Variants in PREX2 observed in about 807,000 individuals in gnomAD.
PREX2 encodes phosphatidylinositol 3,4,5-trisphosphate-dependent Rac exchanger 2 protein.
PREX2 carries 107 observed loss-of-function variants against 203.2 expected under a neutral mutation model. The ratio of observed to expected loss-of-function variants is 0.53; its 90% confidence interval spans 0.45 to 0.62. The LOEUF is 0.62. Among genes scored for constraint, PREX2 ranks in the 20% least tolerant of loss-of-function variants. The pLI is 0.00. For synonymous variants in PREX2, 672 were observed against 663.6 expected, an observed-to-expected ratio of 1.01 and a Z score of -0.19; for missense variants, 1,777 against 1,955.9, an observed-to-expected ratio of 0.91 and a Z score of 1.72.
intron 1 of PREX2, among the ~76,000 whole-genome samples, chr8:67,996,362 AT>A (rs5892122): frequency 4.0e-4 from 59 of 147,496 alleles, no homozygotes; most frequent in East Asian, 1.0e-3. Context: ...TGCCTGGCTA[AT>A]TTTTTTTTTT....
At position 68,007,102 on chromosome 8, in the gene PREX2, A is replaced by G. The variant is rs980117239; in HGVS notation, c.142-10744A>G. 5.3e-5 allele frequency among the ~76,000 whole-genome samples: 8 copies of G among 152,314 alleles called. No homozygotes were observed. In the East Asian group the frequency reaches 1.5e-3, roughly 29 times the overall value. ...TGCAAGCCAATATCCATAGAAATGA[A>G]CTCATTAGGAGCATTTTGTTGGCAG... On this transcript the variant is annotated intron_variant, in intron 1 of 39. Transcript: ENST00000288368.
chr8:68,110,158 C>T (rs2129612849), intron 25 of PREX2, among the ~76,000 whole-genome samples: 1 of 152,226 alleles, frequency 6.6e-6, no homozygotes, highest in South Asian at 2.1e-4. Flanking sequence ...TATTTTTAAC[C>T]AAGAGAAGGT....
chr8:68,101,582 CCG>C (rs1810265245), intron 23 of PREX2, among the ~76,000 whole-genome samples: 1 of 152,122 alleles, frequency 6.6e-6, no homozygotes, highest in Non-Finnish European at 1.5e-5. Context: ...TAAAACATGA[CCG>C]TGCTTTGAAG....
At chr8:68,026,790 T>G (rs1218772627) in intron 4 of PREX2, among the ~76,000 whole-genome samples, 1 of 152,154 alleles carries the variant, frequency 6.6e-6, no homozygotes, top group African/African-American at 2.4e-5. Flanking sequence ...GTATCACTTG[T>G]CAGTTGCAGA....
intron 6 of PREX2, among the ~76,000 whole-genome samples, chr8:68,033,959 A>T (rs1438400372): frequency 6.6e-6 from 1 of 152,224 alleles, no homozygotes; most frequent in Non-Finnish European, 1.5e-5. Context: ...GAAAACATTT[A>T]GCTGAAAACA....
In PREX2 at chr8:68,186,662, C is replaced by T. The variant is rs553423325; in HGVS notation, c.4347-5060C>T. On this transcript the variant is annotated intron_variant, in intron 35 of 39. Coordinates refer to ENST00000288368, the MANE Select transcript of PREX2 (RefSeq NM_024870.4). ...CTGAGTAGCTGGGATTACAGGCACTCGCCACCACGCCTAGCTAATTTTCGT... is the reference window on the plus strand; with the variant it reads ...CTGAGTAGCTGGGATTACAGGCACTTGCCACCACGCCTAGCTAATTTTCGT... Among the ~76,000 whole-genome samples, 10 of 152,046 alleles carry T rather than the reference C, an allele frequency of 6.6e-5. No individual in the cohort carries two copies. In the East Asian group the frequency reaches 9.7e-4, roughly 15 times the overall value.
chr8:67,994,438 C>T (rs527669779), intron 1 of PREX2, among the ~76,000 whole-genome samples: 276 of 152,210 alleles, frequency 1.8e-3, no homozygotes, highest in Non-Finnish European at 3.0e-3. Flanking sequence ...GAAGAGAAGA[C>T]GGGGGTTCTT....
intron 34 of PREX2, 89 bp from the exon 35 acceptor site, chr8:68,157,233 A>C: frequency 1.7e-6 from 1 of 596,104 alleles, no homozygotes; most frequent in African/African-American, 1.9e-5. Context: ...CCTATTTGCT[A>C]AATTTACTAA....
intron 21 of PREX2, among the ~76,000 whole-genome samples, chr8:68,095,666 T>G (rs1810047861): frequency 6.6e-6 from 1 of 150,458 alleles, no homozygotes. Flanking sequence ...TCTTTCTTTG[T>G]CACCCAGGCT....
At chr8:68,067,430 T>G (rs1351599501) in intron 11 of PREX2, among the ~76,000 whole-genome samples, 3 of 152,048 alleles carry the variant, frequency 2.0e-5, no homozygotes, top group Non-Finnish European at 4.4e-5. Flanking sequence ...TTTCATGGTT[T>G]ATAGTTTTCA....
intron 23 of PREX2, chr8:68,102,913 A>G: frequency 1.9e-6 from 1 of 518,102 alleles, no homozygotes; most frequent in Non-Finnish European, 3.9e-6. Flanking sequence ...TCTGTGGAGC[A>G]GGATTTGGGG....
intron 35 of PREX2, among the ~76,000 whole-genome samples, chr8:68,183,731 A>C (rs974911859): frequency 6.6e-6 from 1 of 152,198 alleles, no homozygotes; most frequent in Non-Finnish European, 1.5e-5. Flanking sequence ...CTTCTCAAAA[A>C]GGAGAAGAGT....
chr8:68,080,150 A>T (rs899997954), intron 15 of PREX2, among the ~76,000 whole-genome samples: 2 of 152,212 alleles, frequency 1.3e-5, no homozygotes, highest in African/African-American at 4.8e-5. Context: ...TTGGATTTTA[A>T]TCTGGAAAGC....
intron 1 of PREX2, among the ~76,000 whole-genome samples, chr8:67,985,535 C>G (rs915302716): frequency 6.6e-6 from 1 of 152,058 alleles, no homozygotes; most frequent in Non-Finnish European, 1.5e-5. Flanking sequence ...AATATTAGAG[C>G]TGTGAGTGTG....
chr8:68,144,825 G>A (rs1811294244), intron 33 of PREX2, among the ~76,000 whole-genome samples: 1 of 152,050 alleles, frequency 6.6e-6, no homozygotes, highest in Admixed American at 6.6e-5. Context: ...TTTTCATTAA[G>A]TTTTAGTTCC....
intron 38 of PREX2, among the ~76,000 whole-genome samples, chr8:68,220,569 A>G (rs374769177): frequency 4.4e-4 from 67 of 152,144 alleles, no homozygotes; most frequent in African/African-American, 1.5e-3. Flanking sequence ...GCCTTATCTC[A>G]TGGTGGACAC....
At chr8:68,184,243 A>G (rs1272005175) in intron 35 of PREX2, among the ~76,000 whole-genome samples, 1 of 152,152 alleles carries the variant, frequency 6.6e-6, no homozygotes, top group Non-Finnish European at 1.5e-5. Context: ...ACAAGAGATC[A>G]GTGTCTCTTC....
intron 30 of PREX2, among the ~76,000 whole-genome samples, chr8:68,121,822 C>T (rs1016025638): frequency 4.6e-5 from 7 of 152,132 alleles, no homozygotes; most frequent in African/African-American, 1.7e-4. Context: ...GCCAGGGATG[C>T]TGCTGAACAT....
At chr8:68,186,906 T>C (rs1458254858) in intron 35 of PREX2, among the ~76,000 whole-genome samples, 1 of 152,224 alleles carries the variant, frequency 6.6e-6, no homozygotes, top group East Asian at 1.9e-4. Context: ...TGTAACTTAT[T>C]TTTTTCCTTT....
Sources: allele counts gnomAD v4.1 joint callset (sites outside exome capture counted in the v4.1 genomes callset), GRCh38; gene constraint gnomAD v4.1.1; transcripts MANE v1.5; gene names NCBI Gene and HGNC (gene_info 2026-07-23, HGNC 2026-07-21).